The following PPT1 variants were observed in gnomAD, a reference collection of about 807,000 sequenced individuals.
PPT1 encodes the protein palmitoyl-protein thioesterase 1.
Under a neutral mutation model 44.0 loss-of-function variants are expected in PPT1, and 24 were observed. That is an observed-to-expected ratio of 0.54 (90% confidence interval 0.39 to 0.77). The LOEUF (loss-of-function observed/expected upper bound fraction) is 0.77, where lower values mean the gene tolerates loss of function less well. Ranked by LOEUF, PPT1 falls within the 30% of genes least tolerant of loss-of-function variation. The probability of loss-of-function intolerance (pLI) is 0.00; values close to 1 mark genes in which losing one functional copy is unlikely to be tolerated. For synonymous variants in PPT1, 148 were observed against 140.2 expected (o/e 1.06, Z -0.39); for missense variants, 341 against 378.8 (o/e 0.90, Z 0.83).
chr1:40,087,772 A>G (rs12118846), intron 5 of PPT1, among the ~76,000 whole-genome samples: 23,066 of 152,014 alleles, frequency 0.15, 2,025 homozygotes, highest in East Asian at 0.24. Context: ...TAAATAATTA[A>G]GTTGTAATTA....
chr1:40,073,091 A>AT lies in PPT1; in HGVS notation c.*969dup, dbSNP rs1390793544. On this transcript the variant is annotated 3_prime_UTR_variant, in exon 9 of 9. Transcript: ENST00000642050. Reference sequence around the variant, plus strand: ...CAGAAGGAGAAAGGGAGTGTGTAGTATTTTCCAAGCTTTTTGAGCAAACAA... The same window carrying AT: ...CAGAAGGAGAAAGGGAGTGTGTAGTATTTTTCCAAGCTTTTTGAGCAAACAA... 6.6e-6 allele frequency: 1 copy of AT among 152,204 alleles called. No individual in the cohort carries two copies. Among genetic ancestry groups the AT allele is most frequent in the East Asian group, 1.9e-4 (1 of 5,202 alleles). 9.4% of individuals were successfully genotyped at this position (152,204 alleles called of 1,614,324 possible). A position where few individuals can be genotyped will look rare whatever the true frequency, so the allele number is the denominator to read the frequency against.
chr1:40,084,738 A>G (rs1649163450), intron 5 of PPT1, among the ~76,000 whole-genome samples: 1 of 152,268 alleles, frequency 6.6e-6, no homozygotes, highest in East Asian at 1.9e-4. Flanking sequence ...TCTTTATTCC[A>G]ATATTATAAT....
At chr1:40,089,558 TC>T (rs765770408) in intron 4 of PPT1, 46 bp from the exon 5 acceptor site, 1 of 1,371,882 alleles carries the variant, frequency 7.3e-7, no homozygotes, top group East Asian at 2.3e-5. Context: ...TAATGATGTA[TC>T]GAATACCCAC....
chr1:40,083,503 A>G (rs1230149625), intron 5 of PPT1, among the ~76,000 whole-genome samples: 10 of 152,122 alleles, frequency 6.6e-5, no homozygotes, highest in Admixed American at 5.9e-4. Context: ...AACTCAAAAA[A>G]CAAACAAATA....
At chr1:40,076,788 G>A in intron 8 of PPT1, 54 bp downstream of exon 8, 4 of 1,612,930 alleles carry the variant, frequency 2.5e-6, no homozygotes, top group South Asian at 2.2e-5. Context: ...GCAGCTTCAG[G>A]AACTGGGAGC....
intron 1 of PPT1, among the ~76,000 whole-genome samples, chr1:40,094,306 C>T (rs902806159): frequency 2.0e-5 from 3 of 152,114 alleles, no homozygotes; most frequent in African/African-American, 7.2e-5. Flanking sequence ...TAAGGAGCAC[C>T]CAATCCAGAT....
chr1:40,077,289 G>A (rs997633047), intron 7 of PPT1, among the ~76,000 whole-genome samples: 2 of 152,292 alleles, frequency 1.3e-5, no homozygotes, highest in Non-Finnish European at 2.9e-5. Flanking sequence ...GTCAGCAAAC[G>A]TTTTTGTAAA....
chr1:40,077,026 T>C (rs1370054993), intron 7 of PPT1, 113 bp from the exon 8 acceptor site: 1 of 1,311,688 alleles, frequency 7.6e-7, no homozygotes. Flanking sequence ...ATCATAAAGC[T>C]GTAGGAAGAA....
Position 40,097,207 on chromosome 1 carries a change from G to A in PPT1, c.32C>T (p.Ala11Val). 6.2e-7 allele frequency: 1 copy of A among 1,614,040 alleles called. No homozygotes were observed. Among genetic ancestry groups the A allele is most frequent in the Non-Finnish European group, 8.5e-7 (1 of 1,179,946 alleles). MASPGCLWLL[A>V]VALLPWTCAS... is the part of the protein sequence containing the mutation. ...GCAGGTCCATGGCAGGAGAGCCACA[G>A]CCAAGAGCCACAGGCAGCCGGGCGA... The change falls in exon 1 of 9, where the codon GCT becomes GTT. Residue 11 changes from alanine to valine, a missense_variant. Coordinates refer to ENST00000642050, the MANE Select transcript of PPT1 (RefSeq NM_000310.4).
At chr1:40,077,876 C>T (rs1648712030) in intron 7 of PPT1, among the ~76,000 whole-genome samples, 1 of 152,122 alleles carries the variant, frequency 6.6e-6, no homozygotes, top group African/African-American at 2.4e-5. Flanking sequence ...GCAGACAAGG[C>T]AGATTAGGCT....
At chr1:40,089,297 A>AAAAAAAAAAAAAAAATT in intron 5 of PPT1, 113 bp downstream of exon 5, 2 of 616,442 alleles carry the variant, frequency 3.2e-6, no homozygotes, top group East Asian at 3.6e-5. Context: ...AAAAAAAAAG[A>AAAAAAAAAAAAAAAATT]TCTCATTTGA....
At position 40,094,094 on chromosome 1, in the gene PPT1, TAC is replaced by T. The variant is rs1304574924; in HGVS notation, c.125-1589_125-1588del. On this transcript the variant is annotated intron_variant, in intron 1 of 8. Coordinates refer to ENST00000642050, the MANE Select transcript of PPT1 (RefSeq NM_000310.4). ...TTTACAAATGAAAAATAAGCAGAGG[TAC>T]ACATTCCCTTCCCCTATCACAGGGG... The T allele has an allele frequency of 8.0e-6, 5 of 625,318 alleles. No individual in the cohort carries two copies. In the East Asian group the frequency reaches 1.4e-4, roughly 17 times the overall value. The allele number at this position is 625,318 out of a possible 1,614,324, so 38.7% of individuals were successfully genotyped here. A position where few individuals can be genotyped will look rare whatever the true frequency, so the allele number is the denominator to read the frequency against.
intron 1 of PPT1, among the ~76,000 whole-genome samples, chr1:40,094,564 C>CGG: frequency 6.6e-6 from 1 of 151,572 alleles, no homozygotes. Flanking sequence ...TGAGTGCCTC[C>CGG]TTAAATTTGC....
At position 40,097,130 on chromosome 1, in the gene PPT1, T is replaced by C. The variant is rs752985491; in HGVS notation, c.109A>G (p.Ile37Val). ...ACTCACTCACCCATCCCATGCCAGA[T>C]CACCAACGGCAGCGGCGCCGGCGGG... The part of the protein sequence containing the change: ...LDPPAPLPLV[I>V]WHGMGDSCCN... Residue 37 changes from isoleucine to valine, a missense_variant, in exon 1 of 9, where the codon ATC becomes GTC. Coordinates refer to ENST00000642050, the MANE Select transcript of PPT1 (RefSeq NM_000310.4). The C allele has an allele frequency of 6.2e-7, 1 of 1,614,060 alleles. No homozygotes were observed. The highest frequency in any genetic ancestry group is 8.5e-7 in the Non-Finnish European group (1 of 1,179,938).
In PPT1 at chr1:40,073,955, G is replaced by A; in HGVS notation, c.*106C>T. ...GGCATGTTAGATGATAGAAGGATTA[G>A]TTGCAAGCTGGATCTGAGCTCAGGC... On this transcript the variant is annotated 3_prime_UTR_variant, in exon 9 of 9. Transcript: ENST00000642050. 6.8e-7 allele frequency: 1 copy of A among 1,465,168 alleles called. No homozygotes were observed. The highest frequency in any genetic ancestry group is 9.5e-7 in the Non-Finnish European group (1 of 1,053,346). The allele number at this position is 1,465,168 out of a possible 1,614,324, so 90.8% of individuals were successfully genotyped here. A position where few individuals can be genotyped will look rare whatever the true frequency, so the allele number is the denominator to read the frequency against.
Position 40,080,458 on chromosome 1 carries a change from G to C in PPT1, c.566C>G (p.Pro189Arg), listed in dbSNP as rs386833658. ...RLVQAEYWHDPIKEDVYRNHS... is the reference protein window; with the variant it reads ...RLVQAEYWHDRIKEDVYRNHS... ...GTTGCGATACACATCCTCCTTTATG[G>C]GGTCATGCCAGTATTCGGCTTGCAC... Residue 189 changes from proline to arginine, a missense_variant, in exon 6 of 9, where the codon CCC becomes CGC. By Grantham distance (103) the Pro-to-Arg change is moderately radical. Transcript: ENST00000642050. 1 of 1,613,904 alleles carries C rather than the reference G, an allele frequency of 6.2e-7. No individual in the cohort carries two copies. Among genetic ancestry groups the C allele is most frequent in the East Asian group, 2.2e-5 (1 of 44,882 alleles).
intron 4 of PPT1, among the ~76,000 whole-genome samples, chr1:40,090,084 C>T (rs1480287889): frequency 2.6e-5 from 4 of 152,124 alleles, no homozygotes; most frequent in Admixed American, 2.6e-4. Context: ...GCAGTTTGGC[C>T]CCAGAGCCCA....
chr1:40,083,946 G>A (rs1649119309), intron 5 of PPT1, among the ~76,000 whole-genome samples: 1 of 152,244 alleles, frequency 6.6e-6, no homozygotes, highest in South Asian at 2.1e-4. Context: ...TGCTCAGGAC[G>A]CTGAGGTGGG....
chr1:40,078,270 T>TCA (rs2124471892), intron 7 of PPT1, among the ~76,000 whole-genome samples: 1 of 152,354 alleles, frequency 6.6e-6, no homozygotes, highest in East Asian at 1.9e-4. Flanking sequence ...CGATCTTGGC[T>TCA]CACTGCAAGC....
Sources: allele counts gnomAD v4.1 joint callset (sites outside exome capture counted in the v4.1 genomes callset), GRCh38; gene constraint gnomAD v4.1.1; transcripts MANE v1.5; gene names NCBI Gene and HGNC (gene_info 2026-07-23, HGNC 2026-07-21).